The following BBS12 variants were observed in gnomAD, a reference collection of about 807,000 sequenced individuals.
BBS12 encodes chaperonin-containing T-complex member BBS12.
Under a neutral mutation model 5.6 loss-of-function variants are expected in BBS12, and 5 were observed. The ratio of observed to expected loss-of-function variants is 0.89; its 90% confidence interval spans 0.46 to 1.86. The LOEUF (loss-of-function observed/expected upper bound fraction) is 1.86, where lower values mean the gene tolerates loss of function less well. Ranked by LOEUF, BBS12 falls within the 40% of genes most tolerant of loss-of-function variation. BBS12 has a pLI of 0.01. For missense variants in BBS12, 748 were observed against 830.4 expected, an observed-to-expected ratio of 0.90 and a Z score of 1.22; for synonymous variants, 308 against 306.8, an observed-to-expected ratio of 1.00 and a Z score of -0.04.
rs1800887673 is a variant in BBS12 at position 122,742,251 on chromosome 4, TA to T, written c.362del (p.Asn121ThrfsTer7). 1.9e-6 allele frequency: 3 copies of T among 1,613,798 alleles called. No individual in the cohort carries two copies. The Admixed American group carries it at 5.0e-5, about 27-fold the overall frequency. On this transcript the variant is annotated frameshift_variant, in exon 2 of 2. Transcript: ENST00000314218. LOFTEE classifies it low-confidence loss of function (END_TRUNC). Reference sequence around the variant, plus strand: ...ATAGTATCAGTAATGTCAGAAGGCTTAAACTTTTGTAGTGAAGAGGTAGTTT... The same window carrying T: ...ATAGTATCAGTAATGTCAGAAGGCTTAACTTTTGTAGTGAAGAGGTAGTTT... ...SIIVSVMSEG[L>X]NFCSEEVVSL...
chr4:122,703,708 C>T, the BBS12 span, among the ~76,000 whole-genome samples: 13,531 of 152,190 alleles, frequency 0.089, 1,593 homozygotes, highest in African/African-American at 0.27. Context: ...GCTAGCTCTA[C>T]TTGCCACAGC....
the BBS12 span, among the ~76,000 whole-genome samples, chr4:122,712,344 T>C: frequency 6.6e-6 from 1 of 152,234 alleles, no homozygotes; most frequent in Admixed American, 6.5e-5. Context: ...CTCCTTACTT[T>C]ATTACTTGCA....
chr4:122,715,138 A>C, the BBS12 span, among the ~76,000 whole-genome samples: 1 of 151,664 alleles, frequency 6.6e-6, no homozygotes, highest in African/African-American at 2.4e-5. Context: ...GCATGATACT[A>C]GATAATATTT....
intron 1 of BBS12, among the ~76,000 whole-genome samples, chr4:122,735,318 G>A (rs1263398732): frequency 1.3e-5 from 2 of 152,226 alleles, no homozygotes; most frequent in African/African-American, 4.8e-5. Context: ...AGATCATGAG[G>A]TTTATAAGGA....
intron 1 of BBS12, among the ~76,000 whole-genome samples, chr4:122,738,166 A>T (rs917656832): frequency 9.9e-5 from 15 of 152,222 alleles, no homozygotes; most frequent in Admixed American, 3.3e-4. Context: ...AAATAGGTAA[A>T]TTAGATTTCA....
At position 122,742,387 on chromosome 4, in the gene BBS12, A is replaced by G. The variant is rs973455617; in HGVS notation, c.495A>G (p.Ser165=). Residue 165 remains serine, a synonymous_variant, in exon 2 of 2, where the codon TCA becomes TCG. Transcript: ENST00000314218. ...TGTGTCCTTTTCTACAGGTCCCTTC[A>G]GATACTGATTTGATAGAGGAATTGC... ...VSLCPFLQVP[S]DTDLIEELHG... 2 of 1,614,124 alleles carry G rather than the reference A, an allele frequency of 1.2e-6. No homozygotes were observed. Among genetic ancestry groups the G allele is most frequent in the African/African-American group, 2.7e-5 (2 of 74,950 alleles).
chr4:122,700,797 C>G, the BBS12 span, among the ~76,000 whole-genome samples: 7 of 152,092 alleles, frequency 4.6e-5, no homozygotes, highest in African/African-American at 1.7e-4. Context: ...AAGCTCTAAA[C>G]TTTACAGCAG....
At chr4:122,710,702 CG>C in the BBS12 span, among the ~76,000 whole-genome samples, 1 of 147,908 alleles carries the variant, frequency 6.8e-6, no homozygotes, top group African/African-American at 2.6e-5. Context: ...AGCATTTGTG[CG>C]TTTTTTTTTT....
upstream of BBS12, chr4:122,731,200 C>T (rs972968392): frequency 3.3e-5 from 5 of 152,148 alleles, no homozygotes; most frequent in Non-Finnish European, 7.3e-5. Context: ...AATTCAGATC[C>T]GTTACCAAAA....
At chr4:122,720,331 A>G in the BBS12 span, among the ~76,000 whole-genome samples, 1 of 152,136 alleles carries the variant, frequency 6.6e-6, no homozygotes, top group Non-Finnish European at 1.5e-5. Flanking sequence ...CACATCAGTA[A>G]TCCCAGCTGC....
the BBS12 span, among the ~76,000 whole-genome samples, chr4:122,716,258 G>A: frequency 2.0e-5 from 3 of 151,730 alleles, no homozygotes; most frequent in Admixed American, 1.3e-4. Context: ...ATTGAATTTT[G>A]TACTTCTTTT....
chr4:122,743,163 A>G lies in BBS12; in HGVS notation c.1271A>G (p.Glu424Gly). The G allele has an allele frequency of 6.2e-7, 1 of 1,614,248 alleles. No homozygotes were observed. Residue 424 changes from glutamate to glycine, a missense_variant, in exon 2 of 2, where the codon GAA becomes GGA. By Grantham distance (98) the Glu-to-Gly change is moderately conservative. Transcript: ENST00000314218. Reference protein sequence around the residue: ...VQGNVSERLIEKCINSKRLVI... With the variant: ...VQGNVSERLIGKCINSKRLVI... ...GGAAATGTGTCCGAACGCTTAATTG[A>G]AAAATGTATAAACAGTAAGCGGTTG...
chr4:122,709,385 A>G, the BBS12 span, among the ~76,000 whole-genome samples: 1 of 152,162 alleles, frequency 6.6e-6, no homozygotes, highest in Admixed American at 6.5e-5. Context: ...GAAATGATAG[A>G]TGGGAGCTAA....
chr4:122,724,785 A>G, the BBS12 span, among the ~76,000 whole-genome samples: 2 of 152,266 alleles, frequency 1.3e-5, no homozygotes, highest in African/African-American at 4.8e-5. Context: ...TCCCAGGGCC[A>G]TTCTTAGGAT....
At chr4:122,733,425 A>ACC (rs1560702542) in intron 1 of BBS12, among the ~76,000 whole-genome samples, 3 of 117,748 alleles carry the variant, frequency 2.5e-5, no homozygotes, top group Non-Finnish European at 5.4e-5. Context: ...ACACACACAC[A>ACC]TCCAGCCATT....
In BBS12 at chr4:122,741,806, C is replaced by T. The variant is rs539102102; in HGVS notation, c.-10-77C>T. 26 of 1,268,458 alleles carry T rather than the reference C, an allele frequency of 2.0e-5. 1 individual carries two copies. In the South Asian group the frequency reaches 3.2e-4, roughly 15 times the overall value. The allele number at this position is 1,268,458 out of a possible 1,614,324, so 78.6% of individuals were successfully genotyped here. A position where few individuals can be genotyped will look rare whatever the true frequency, so the allele number is the denominator to read the frequency against. ...TGTACCTCAAAAGCAGGGAGCATAT[C>T]TTGTTTTTATTTCTATATAGCATTT... is the stretch of plus-strand genomic sequence containing the variant. On this transcript the variant is annotated intron_variant, in intron 1 of 1. Transcript: ENST00000314218.
the BBS12 span, among the ~76,000 whole-genome samples, chr4:122,725,298 A>G: frequency 6.6e-6 from 1 of 152,220 alleles, no homozygotes; most frequent in South Asian, 2.1e-4. Flanking sequence ...AAGAGCCCGC[A>G]TAGCCAAAGC....
At chr4:122,719,062 G>A in the BBS12 span, among the ~76,000 whole-genome samples, 37 of 152,202 alleles carry the variant, frequency 2.4e-4, no homozygotes, top group African/African-American at 7.2e-4. Flanking sequence ...CTCGTGATCC[G>A]CCCACCTCAG....
the BBS12 span, among the ~76,000 whole-genome samples, chr4:122,710,046 CT>C: frequency 6.6e-6 from 1 of 152,154 alleles, no homozygotes; most frequent in African/African-American, 2.4e-5. Context: ...AGCCAAACAG[CT>C]TGATATATAA....
Sources: gnomAD v4.1 joint callset for allele counts (sites outside exome capture counted in the v4.1 genomes callset) on GRCh38, gnomAD v4.1.1 for gene constraint, MANE v1.5 for transcripts, NCBI Gene and HGNC (gene_info 2026-07-23, HGNC 2026-07-21) for gene names.